NDST4: variants seen among roughly 807,000 people sequenced by gnomAD.
The protein encoded by NDST4 is N-deacetylase and N-sulfotransferase 4.
NDST4 carries 63 observed loss-of-function variants against 100.8 expected under a neutral mutation model. The ratio of observed to expected loss-of-function variants is 0.62; its 90% CI spans 0.51 to 0.77. The LOEUF is 0.77. Among genes scored for constraint, NDST4 ranks in the 30% least tolerant of loss-of-function variants. The pLI, the probability that NDST4 is intolerant of heterozygous loss-of-function variation, is 0.00. For missense variants in NDST4, 943 were observed against 1,018.4 expected (o/e 0.93, Z 1.01); for synonymous variants, 377 against 361.8 (o/e 1.04, Z -0.48).
chr4:114,891,718 A>C (rs139815623), intron 6 of NDST4, among the ~76,000 whole-genome samples: 3 of 152,208 alleles, frequency 2.0e-5, no homozygotes, highest in Non-Finnish European at 2.9e-5. Context: ...AGTCAAGCTT[A>C]TCTCTGCCTT....
intron 6 of NDST4, among the ~76,000 whole-genome samples, chr4:114,874,837 A>C (rs1379913809): frequency 6.7e-6 from 1 of 148,524 alleles, no homozygotes; most frequent in African/African-American, 2.6e-5. Flanking sequence ...ACTATTTTTT[A>C]CTGTTTATCT....
chr4:115,047,010 T>C (rs511927), intron 2 of NDST4, among the ~76,000 whole-genome samples: 40,283 of 151,992 alleles, frequency 0.27, 7,775 homozygotes, highest in African/African-American at 0.52. Context: ...CTTAATGATG[T>C]TCATTCTTTA....
At chr4:114,983,698 A>G (rs1726832316) in intron 2 of NDST4, among the ~76,000 whole-genome samples, 1 of 152,166 alleles carries the variant, frequency 6.6e-6, no homozygotes. Flanking sequence ...GACTGTTGGA[A>G]AGGCATGACT....
At chr4:114,896,375 G>A (rs1214258723) in intron 6 of NDST4, among the ~76,000 whole-genome samples, 1 of 152,040 alleles carries the variant, frequency 6.6e-6, no homozygotes, top group East Asian at 1.9e-4. Flanking sequence ...TGTAATCCCA[G>A]CACTTTGGGA....
chr4:114,914,129 C>G (rs1315488225), intron 6 of NDST4, among the ~76,000 whole-genome samples: 1 of 151,748 alleles, frequency 6.6e-6, no homozygotes, highest in Non-Finnish European at 1.5e-5. Flanking sequence ...GCCTAAAAAT[C>G]TAAACAATTG....
chr4:114,841,136 T>G (rs987747965), intron 10 of NDST4, among the ~76,000 whole-genome samples: 1 of 152,212 alleles, frequency 6.6e-6, no homozygotes, highest in African/African-American at 2.4e-5. Context: ...TGTTGACTTT[T>G]ACCAGTTTAG....
At chr4:115,089,086 T>C (rs970820051) in intron 1 of NDST4, among the ~76,000 whole-genome samples, 1 of 152,060 alleles carries the variant, frequency 6.6e-6, no homozygotes, top group South Asian at 2.1e-4. Context: ...ACAATAACCA[T>C]ATTTATGTCT....
At chr4:115,081,419 A>T (rs956199183) in intron 1 of NDST4, among the ~76,000 whole-genome samples, 1 of 152,128 alleles carries the variant, frequency 6.6e-6, no homozygotes, top group South Asian at 2.1e-4. Context: ...ATTGTTTAGG[A>T]TGCCAAAAAG....
At chr4:115,073,415 A>T (rs1488038822) in intron 2 of NDST4, among the ~76,000 whole-genome samples, 3 of 152,082 alleles carry the variant, frequency 2.0e-5, no homozygotes, top group Non-Finnish European at 4.4e-5. Flanking sequence ...AATCAGCCTA[A>T]GCATCTTATC....
At position 114,986,793 on chromosome 4, in the gene NDST4, C is replaced by CATACATATATATATATATAT. The variant is rs1553959380; in HGVS notation, c.979-9520_979-9519insATATATATATATATATGTAT. Among the ~76,000 whole-genome samples, 35 of 91,134 alleles carry CATACATATATATATATATAT rather than the reference C, an allele frequency of 3.8e-4. 1 individual carries two copies. The highest frequency in any genetic ancestry group is 1.5e-3 in the African/African-American group (33 of 22,108). The allele number at this position is 91,134 out of a possible 152,430, so 59.8% of individuals were successfully genotyped here. ...CCTCTAAGCCTGGTATCCAATTATA[C>CATACATATATATATATATAT]ATATATATATATATATATATATATA... On this transcript the variant is annotated intron_variant, in intron 2 of 13. Coordinates refer to ENST00000264363, the MANE Select transcript of NDST4 (RefSeq NM_022569.3).
intron 2 of NDST4, among the ~76,000 whole-genome samples, chr4:115,013,328 C>T (rs921077525): frequency 6.8e-5 from 5 of 73,124 alleles, no homozygotes; most frequent in Admixed American, 6.1e-4. Context: ...CTCATGTACT[C>T]CATAAAAATA....
At chr4:115,069,874 C>G (rs1481070987) in intron 2 of NDST4, among the ~76,000 whole-genome samples, 3 of 152,146 alleles carry the variant, frequency 2.0e-5, no homozygotes, top group African/African-American at 7.2e-5. Context: ...CAGAATGAGA[C>G]TCTTTCTCTA....
At chr4:114,971,060 C>A (rs2126241136) in intron 3 of NDST4, among the ~76,000 whole-genome samples, 1 of 151,810 alleles carries the variant, frequency 6.6e-6, no homozygotes. Context: ...AAAACAACAA[C>A]AAAAAACCTG....
intron 2 of NDST4, among the ~76,000 whole-genome samples, chr4:115,045,638 C>T (rs1488462761): frequency 1.3e-5 from 2 of 152,200 alleles, no homozygotes; most frequent in Non-Finnish European, 1.5e-5. Context: ...TCCCTGGAGA[C>T]CTTTTTCATT....
At chr4:115,085,657 C>T (rs974311865) in intron 1 of NDST4, among the ~76,000 whole-genome samples, 1 of 152,158 alleles carries the variant, frequency 6.6e-6, no homozygotes, top group Non-Finnish European at 1.5e-5. Context: ...ATTCTCTCTC[C>T]TGCCACCCTG....
intron 4 of NDST4, among the ~76,000 whole-genome samples, chr4:114,946,248 T>C (rs754685659): frequency 1.3e-5 from 2 of 152,062 alleles, no homozygotes; most frequent in Non-Finnish European, 2.9e-5. Flanking sequence ...CATGGCTTAT[T>C]AATTCATTTT....
At chr4:114,855,909 T>C (rs186382421) in intron 7 of NDST4, among the ~76,000 whole-genome samples, 1 of 152,288 alleles carries the variant, frequency 6.6e-6, no homozygotes, top group African/African-American at 2.4e-5. Flanking sequence ...TATTATTATG[T>C]TTTGCTTTTC....
chr4:115,062,229 G>T (rs1193364090), intron 2 of NDST4, among the ~76,000 whole-genome samples: 1 of 151,868 alleles, frequency 6.6e-6, no homozygotes, highest in African/African-American at 2.4e-5. Flanking sequence ...TTTAAGCAAG[G>T]CAATTGAAAT....
chr4:114,945,563 T>G (rs1341899857), intron 4 of NDST4, among the ~76,000 whole-genome samples: 1 of 152,192 alleles, frequency 6.6e-6, no homozygotes, highest in Non-Finnish European at 1.5e-5. Context: ...TAAATTAGTG[T>G]GAAGAGAAAA....
Sources: allele counts gnomAD v4.1 joint callset (sites outside exome capture counted in the v4.1 genomes callset), GRCh38; gene constraint gnomAD v4.1.1; transcripts MANE v1.5; gene names NCBI Gene and HGNC (gene_info 2026-07-23, HGNC 2026-07-21).